MAP3K20: variants seen among roughly 807,000 people sequenced by gnomAD.
The protein encoded by MAP3K20 is HCCS-4.
In MAP3K20, 40 loss-of-function variants were observed where a neutral mutation model predicts 85.7. The ratio of observed to expected loss-of-function variants is 0.47; its 90% CI spans 0.36 to 0.61. The LOEUF is 0.61. Among genes scored for constraint, MAP3K20 ranks in the 20% least tolerant of loss-of-function variants. The probability of loss-of-function intolerance (pLI) is 0.00; values close to 1 mark genes in which losing one functional copy is unlikely to be tolerated. For synonymous variants in MAP3K20, 325 were observed against 327.7 expected (o/e 0.99, Z 0.09); for missense variants, 817 against 961.7 (o/e 0.85, Z 1.99).
intron 7 of MAP3K20, among the ~76,000 whole-genome samples, chr2:173,196,189 T>C (rs1303605915): frequency 1.3e-5 from 2 of 152,178 alleles, no homozygotes; most frequent in African/African-American, 4.8e-5. Context: ...CCTGTTCCCA[T>C]TCTCCTTAGG....
At chr2:173,163,984 G>A (rs1689739668) in intron 2 of MAP3K20, among the ~76,000 whole-genome samples, 1 of 149,946 alleles carries the variant, frequency 6.7e-6, no homozygotes, top group African/African-American at 2.5e-5. Flanking sequence ...TTTCTGAGAC[G>A]GAGTCTAGCT....
At chr2:173,244,024 G>A (rs1032286377) in intron 16 of MAP3K20, among the ~76,000 whole-genome samples, 10 of 152,170 alleles carry the variant, frequency 6.6e-5, no homozygotes, top group African/African-American at 1.2e-4. Flanking sequence ...AGTGGGCAGC[G>A]CAGACAACCA....
rs149289625 is a variant in MAP3K20 at position 173,234,816 on chromosome 2, G to A, written c.1203+2357G>A. ...ACAGCTTACAACTTCAGGCTGGGGG[G>A]AAAGAGCTGGAATTTGACCAGCTGT... is the stretch of plus-strand genomic sequence containing the variant. On this transcript the variant is annotated intron_variant, in intron 14 of 19. Coordinates refer to ENST00000375213, the MANE Select transcript of MAP3K20 (RefSeq NM_016653.3). Among the ~76,000 whole-genome samples, 325 of 152,286 alleles carry A rather than the reference G, an allele frequency of 2.1e-3. 2 individuals carry two copies. Among genetic ancestry groups the A allele is most frequent in the Non-Finnish European group, 4.2e-3 (287 of 68,022 alleles).
chr2:173,099,221 T>A (rs1019173535), intron 2 of MAP3K20, among the ~76,000 whole-genome samples: 9 of 151,950 alleles, frequency 5.9e-5, no homozygotes, highest in Admixed American at 3.3e-4. Flanking sequence ...ACTTTCAAAT[T>A]CCAGCCCCTT....
intron 3 of MAP3K20, among the ~76,000 whole-genome samples, chr2:173,177,606 T>A (rs1419188370): frequency 6.6e-6 from 1 of 151,620 alleles, no homozygotes; most frequent in Admixed American, 6.6e-5. Flanking sequence ...TTTTTTGTAT[T>A]TTTAGTAAAG....
chr2:173,163,590 C>G (rs575387332), intron 2 of MAP3K20, among the ~76,000 whole-genome samples: 2 of 152,092 alleles, frequency 1.3e-5, no homozygotes, highest in African/African-American at 4.8e-5. Flanking sequence ...TGATCTTGTT[C>G]TTTTTTATGG....
At chr2:173,222,218 A>AG (rs1250065116) in intron 11 of MAP3K20, 38 of 985,390 alleles carry the variant, frequency 3.9e-5, no homozygotes, top group Non-Finnish European at 4.6e-5. Flanking sequence ...AAAACAAAAA[A>AG]AAGAAAGAAT....
At chr2:173,168,029 T>A (rs1274652295) in intron 2 of MAP3K20, among the ~76,000 whole-genome samples, 1 of 151,978 alleles carries the variant, frequency 6.6e-6, no homozygotes, top group Non-Finnish European at 1.5e-5. Flanking sequence ...CTTTGTGATT[T>A]CCAAACTGCA....
chr2:173,206,902 G>A (rs1288137714), intron 9 of MAP3K20, among the ~76,000 whole-genome samples: 1 of 149,748 alleles, frequency 6.7e-6, no homozygotes, highest in African/African-American at 2.4e-5. Context: ...CCAGTCCTAT[G>A]CACATATGTA....
Position 173,205,573 on chromosome 2 carries a change from G to A in MAP3K20, c.744+1703G>A, listed in dbSNP as rs77019822. ...GTGCCATGAAGCCTGTTCACTCCAC[G>A]TGCTCCTTCTTGGCTTGGCTTGGCT... is the stretch of plus-strand genomic sequence containing the variant. On this transcript the variant is annotated intron_variant, in intron 9 of 19. Transcript: ENST00000375213. Among the ~76,000 whole-genome samples the A allele has an allele frequency of 4.2e-3, 643 of 152,198 alleles. 12 individuals carry two copies. Among genetic ancestry groups the A allele is most frequent in the Admixed American group, 0.03 (452 of 15,296 alleles).
chr2:173,124,583 T>G lies in MAP3K20; in HGVS notation c.159+33393T>G, dbSNP rs1001881974. The stretch of plus-strand genomic sequence containing the variant: ...AGGTTGGAATTGTTCCATGAAAAGT[T>G]CTGGGTTGCCTGTGGCCAGAGCTGG... On this transcript the variant is annotated intron_variant, in intron 2 of 19. Transcript: ENST00000375213. Among the ~76,000 whole-genome samples the G allele has an allele frequency of 9.9e-5, 15 of 152,164 alleles. 1 individual carries two copies. Among genetic ancestry groups the G allele is most frequent in the Admixed American group, 6.5e-5 (1 of 15,286 alleles).
chr2:173,092,262 GA>G (rs1206768125), intron 2 of MAP3K20, among the ~76,000 whole-genome samples: 1 of 152,218 alleles, frequency 6.6e-6, no homozygotes, highest in African/African-American at 2.4e-5. Flanking sequence ...AAGACATTAA[GA>G]AAGGAGAGCT....
intron 11 of MAP3K20, chr2:173,222,280 C>T: frequency 1.0e-6 from 1 of 985,814 alleles, no homozygotes; most frequent in South Asian, 4.7e-5. Flanking sequence ...AAGGTTATAA[C>T]AAAATGCTCT....
intron 16 of MAP3K20, among the ~76,000 whole-genome samples, chr2:173,248,048 G>A (rs954420824): frequency 2.6e-5 from 4 of 152,214 alleles, no homozygotes; most frequent in African/African-American, 9.7e-5. Context: ...TGCAGGCGAA[G>A]TGAGAAATCA....
intron 11 of MAP3K20, among the ~76,000 whole-genome samples, chr2:173,229,429 TG>T (rs1157752057): frequency 6.6e-6 from 1 of 152,150 alleles, no homozygotes; most frequent in African/African-American, 2.4e-5. Context: ...GATTGTGGGA[TG>T]TAAAAACCAG....
chr2:173,137,218 C>A (rs1310323211), intron 2 of MAP3K20, among the ~76,000 whole-genome samples: 1 of 152,178 alleles, frequency 6.6e-6, no homozygotes, highest in East Asian at 1.9e-4. Context: ...CAATGACTTA[C>A]CTTAAAATTT....
chr2:173,091,719 G>A (rs1014572415), intron 2 of MAP3K20, among the ~76,000 whole-genome samples: 1 of 152,150 alleles, frequency 6.6e-6, no homozygotes, highest in Non-Finnish European at 1.5e-5. Flanking sequence ...AGAATTAATA[G>A]GTGCCAGACA....
intron 2 of MAP3K20, among the ~76,000 whole-genome samples, chr2:173,145,162 T>G (rs1050671208): frequency 2.0e-5 from 3 of 152,010 alleles, no homozygotes; most frequent in African/African-American, 7.2e-5. Flanking sequence ...CTTGTGACCT[T>G]TGATAGCCAG....
chr2:173,090,959 T>C (rs1237278259), intron 1 of MAP3K20, 39 bp from the exon 2 acceptor site: 1 of 1,540,068 alleles, frequency 6.5e-7, no homozygotes, highest in African/African-American at 1.4e-5. Flanking sequence ...TAGCCTAATA[T>C]ATTTGTAATT....
Sources: gnomAD v4.1 joint callset for allele counts (sites outside exome capture counted in the v4.1 genomes callset) on GRCh38, gnomAD v4.1.1 for gene constraint, MANE v1.5 for transcripts, NCBI Gene and HGNC (gene_info 2026-07-23, HGNC 2026-07-21) for gene names.